Variants in CXCL17 observed in about 807,000 individuals in gnomAD.
CXCL17 encodes C-X-C motif chemokine 17.
A neutral mutation model predicts 15.5 loss-of-function variants in CXCL17; 9 were observed. The observed-to-expected ratio is 0.58, with a 90% CI of 0.35 to 1.01. CXCL17 has a LOEUF of 1.01. Ranked by LOEUF, CXCL17 falls within the 50% of genes least tolerant of loss-of-function variation. The probability of loss-of-function intolerance (pLI) is 0.02; values close to 1 mark genes in which losing one functional copy is unlikely to be tolerated. For missense variants in CXCL17, 133 were observed against 138.2 expected (o/e 0.96, Z 0.19); for synonymous variants, 52 against 52.3 (o/e 0.99, Z 0.02).
At chr19:42,432,333 C>T (rs1013134474) in intron 3 of CXCL17, among the ~76,000 whole-genome samples, 3 of 151,814 alleles carry the variant, frequency 2.0e-5, no homozygotes, top group African/African-American at 2.4e-5. Context: ...TTAGTAGAGA[C>T]GGGGTTTCAC....
intron 1 of CXCL17, among the ~76,000 whole-genome samples, chr19:42,442,302 C>T (rs986891150): frequency 4.8e-5 from 7 of 144,382 alleles, no homozygotes; most frequent in African/African-American, 1.3e-4. Context: ...GGTGCCGTCT[C>T]GGCTCACTGC....
intron 1 of CXCL17, among the ~76,000 whole-genome samples, chr19:42,435,954 T>G (rs1431937073): frequency 6.6e-6 from 1 of 152,156 alleles, no homozygotes; most frequent in Non-Finnish European, 1.5e-5. Flanking sequence ...AACCCAGCTG[T>G]GCTGGCACCC....
At chr19:42,434,010 A>G (rs2040809819) in intron 1 of CXCL17, among the ~76,000 whole-genome samples, 154 bp from the exon 2 acceptor site, 1 of 152,086 alleles carries the variant, frequency 6.6e-6, no homozygotes, top group African/African-American at 2.4e-5. Context: ...ATTTTTATTT[A>G]TATTTTTGAG....
chr19:42,429,794 A>G (rs570142620), intron 3 of CXCL17, among the ~76,000 whole-genome samples: 9 of 152,294 alleles, frequency 5.9e-5, no homozygotes, highest in African/African-American at 2.2e-4. Flanking sequence ...ATTTTTCCAT[A>G]CCTTCTGGTA....
At chr19:42,439,253 C>CAAAAAAAAA (rs58768697) in intron 1 of CXCL17, among the ~76,000 whole-genome samples, 1 of 77,490 alleles carries the variant, frequency 1.3e-5, no homozygotes, top group Admixed American at 1.5e-4. Flanking sequence ...GACTCTATCT[C>CAAAAAAAAA]AAAAAAAAAA....
intron 1 of CXCL17, among the ~76,000 whole-genome samples, chr19:42,439,015 AGGCCAAAGTGGG>A (rs1300672852): frequency 1.3e-5 from 2 of 152,242 alleles, no homozygotes; most frequent in African/African-American, 2.4e-5. Flanking sequence ...GCACTTTGGG[AGGCCAAAGTGGG>A]GGGATCACTT....
rs1331086209 is a variant in CXCL17, at chr19:42,428,300, T to A, written c.*584A>T. 1 of 151,798 alleles carries A rather than the reference T, an allele frequency of 6.6e-6. No individual in the cohort carries two copies. The highest frequency in any genetic ancestry group is 1.5e-5 in the Non-Finnish European group (1 of 68,002). 9.4% of individuals were successfully genotyped at this position (151,798 alleles called of 1,614,324 possible). ...AAGTTTTTTTTTTAAACCTATATTA[T>A]CTTTAATAAGACCGTGTCTGGTTCA... On this transcript the variant is annotated 3_prime_UTR_variant, in exon 4 of 4. Coordinates refer to ENST00000601181, the MANE Select transcript of CXCL17 (RefSeq NM_198477.3).
At chr19:42,432,000 A>C (rs16975752) in intron 3 of CXCL17, among the ~76,000 whole-genome samples, 1,552 of 152,252 alleles carry the variant, frequency 0.01, 32 homozygotes, top group African/African-American at 0.035. Flanking sequence ...TCCTAAAGTA[A>C]GATTACTAAA....
chr19:42,430,808 A>C (rs1022723430), intron 3 of CXCL17, among the ~76,000 whole-genome samples: 33 of 151,924 alleles, frequency 2.2e-4, no homozygotes, highest in African/African-American at 7.5e-4. Flanking sequence ...TGTATATATT[A>C]TGGTCTGAAT....
intron 3 of CXCL17, among the ~76,000 whole-genome samples, chr19:42,430,442 A>G (rs2040766882): frequency 1.3e-5 from 2 of 151,824 alleles, no homozygotes; most frequent in Non-Finnish European, 2.9e-5. Flanking sequence ...TAAAAATACA[A>G]AATTAGCTGG....
intron 3 of CXCL17, among the ~76,000 whole-genome samples, chr19:42,429,518 G>A (rs908573025): frequency 4.0e-5 from 6 of 151,750 alleles, no homozygotes; most frequent in African/African-American, 1.5e-4. Flanking sequence ...AGTAGAGATG[G>A]GGTTTCACCA....
At chr19:42,429,692 T>C (rs1017193807) in intron 3 of CXCL17, among the ~76,000 whole-genome samples, 1 of 152,076 alleles carries the variant, frequency 6.6e-6, no homozygotes, top group Non-Finnish European at 1.5e-5. Flanking sequence ...GGAAAAAAAT[T>C]TTAAAATCCA....
intron 1 of CXCL17, among the ~76,000 whole-genome samples, chr19:42,438,381 A>AAATAAAT (rs1555793041): frequency 1.6e-5 from 1 of 63,860 alleles, no homozygotes; most frequent in Non-Finnish European, 2.6e-5. Flanking sequence ...AAAAAAAAAA[A>AAATAAAT]ATATATATAT....
chr19:42,429,056 C>A, intron 3 of CXCL17, 75 bp from the exon 4 acceptor site: 1 of 1,189,502 alleles, frequency 8.4e-7, no homozygotes, highest in Non-Finnish European at 1.2e-6. Flanking sequence ...GAGACGGAGT[C>A]TTGCTCTATT....
chr19:42,441,821 C>T (rs1326268572), intron 1 of CXCL17, among the ~76,000 whole-genome samples: 1 of 152,166 alleles, frequency 6.6e-6, no homozygotes. Context: ...ATAGTGAAAG[C>T]TGGAGCAGAT....
At chr19:42,438,082 C>T (rs1164247672) in intron 1 of CXCL17, among the ~76,000 whole-genome samples, 1 of 151,420 alleles carries the variant, frequency 6.6e-6, no homozygotes, top group African/African-American at 2.4e-5. Context: ...TGTAATAGGC[C>T]AGGTGGGGGC....
In CXCL17 at chr19:42,428,643, C is replaced by A. The variant is rs138069718; in HGVS notation, c.*241G>T. 546 of 389,042 alleles carry A rather than the reference C, an allele frequency of 1.4e-3. 8 individuals carry two copies. The East Asian group carries it at 0.021, about 15-fold the overall frequency. 24.1% of individuals were successfully genotyped at this position (389,042 alleles called of 1,614,324 possible). A position where few individuals can be genotyped will look rare whatever the true frequency, so the allele number is the denominator to read the frequency against. ...GAAGCTACAGTTTCCTGGAATCTTT[C>A]AGGTAATTAAGCCTAAGCCTGGGTA... On this transcript the variant is annotated 3_prime_UTR_variant, in exon 4 of 4. Transcript: ENST00000601181.
chr19:42,434,365 G>T (rs2040812619), intron 1 of CXCL17, among the ~76,000 whole-genome samples: 1 of 152,208 alleles, frequency 6.6e-6, no homozygotes, highest in Non-Finnish European at 1.5e-5. Flanking sequence ...AAGAGTGAGA[G>T]CGAGGAGGAG....
intron 1 of CXCL17, among the ~76,000 whole-genome samples, chr19:42,441,477 G>T (rs2040891730): frequency 6.6e-6 from 1 of 152,166 alleles, no homozygotes; most frequent in Non-Finnish European, 1.5e-5. Context: ...AGAAAGGCAG[G>T]TTGGGGCTAC....
Sources: allele counts gnomAD v4.1 joint callset (sites outside exome capture counted in the v4.1 genomes callset), GRCh38; gene constraint gnomAD v4.1.1; transcripts MANE v1.5; gene names NCBI Gene and HGNC (gene_info 2026-07-23, HGNC 2026-07-21).